The following SHISA6 variants were observed in gnomAD, a reference collection of about 807,000 sequenced individuals.
SHISA6 encodes protein shisa-6.
A neutral mutation model predicts 47.9 loss-of-function variants in SHISA6; 22 were observed. The ratio of observed to expected loss-of-function variants is 0.46; its 90% CI spans 0.33 to 0.66. The LOEUF is 0.66. Among genes scored for constraint, SHISA6 ranks in the 30% least tolerant of loss-of-function variants. The pLI is 0.02. For synonymous variants in SHISA6, 388 were observed against 337.8 expected (o/e 1.15, Z -1.63); for missense variants, 680 against 764.6 (o/e 0.89, Z 1.30).
intron 2 of SHISA6, among the ~76,000 whole-genome samples, chr17:11,302,966 C>G (rs1377743311): frequency 1.3e-5 from 2 of 152,110 alleles, no homozygotes; most frequent in African/African-American, 4.8e-5. Flanking sequence ...TTGTCATTTC[C>G]CATCAAGCTG....
At chr17:11,434,064 C>CTTT (rs1367652038) in intron 3 of SHISA6, among the ~76,000 whole-genome samples, 6 of 138,052 alleles carry the variant, frequency 4.3e-5, no homozygotes, top group African/African-American at 8.1e-5. Context: ...TTTTTTCTCT[C>CTTT]TTTTTTTTTT....
intron 2 of SHISA6, among the ~76,000 whole-genome samples, chr17:11,331,002 G>C (rs1911087250): frequency 6.6e-6 from 1 of 152,198 alleles, no homozygotes; most frequent in South Asian, 2.1e-4. Context: ...AAAGATAACT[G>C]AAGTTAGAAA....
At chr17:11,373,898 G>T (rs532256171) in intron 2 of SHISA6, among the ~76,000 whole-genome samples, 1 of 152,250 alleles carries the variant, frequency 6.6e-6, no homozygotes, top group Admixed American at 6.5e-5. Flanking sequence ...CACGTGTGAG[G>T]ATTTATCTAG....
rs112158389 is a variant in SHISA6 at position 11,278,158 on chromosome 17, C to T, written c.799+14632C>T. On this transcript the variant is annotated intron_variant, in intron 2 of 5. Transcript: ENST00000441885. Reference sequence around the variant, plus strand: ...CCACTGTAAATATGAGCAGTTATGTCGCTAGATGGACTGTGAGTGCTTAGA... The same window carrying T: ...CCACTGTAAATATGAGCAGTTATGTTGCTAGATGGACTGTGAGTGCTTAGA... 1.9e-3 allele frequency among the ~76,000 whole-genome samples: 290 copies of T among 152,238 alleles called. 1 individual carries two copies. The highest frequency in any genetic ancestry group is 3.6e-3 in the Non-Finnish European group (247 of 68,024).
At chr17:11,526,000 C>G (rs1210514759) in intron 3 of SHISA6, among the ~76,000 whole-genome samples, 1 of 136,062 alleles carries the variant, frequency 7.3e-6, no homozygotes, top group Non-Finnish European at 1.6e-5. Context: ...CAAGCGAGAC[C>G]CTATCTTAAA....
At chr17:11,550,951 G>A (rs945932759) in intron 3 of SHISA6, among the ~76,000 whole-genome samples, 8 of 152,186 alleles carry the variant, frequency 5.3e-5, no homozygotes, top group Non-Finnish European at 1.5e-5. Flanking sequence ...GCCAAAGGCA[G>A]GAAAGAAGGC....
intron 2 of SHISA6, among the ~76,000 whole-genome samples, chr17:11,366,702 G>A (rs956252530): frequency 2.0e-5 from 3 of 152,140 alleles, no homozygotes; most frequent in Admixed American, 1.3e-4. Flanking sequence ...CTTGCAAATC[G>A]TCCTGATGGG....
intron 3 of SHISA6, among the ~76,000 whole-genome samples, chr17:11,414,063 T>C (rs1284861323): frequency 6.6e-6 from 1 of 151,480 alleles, no homozygotes; most frequent in Admixed American, 6.6e-5. Flanking sequence ...CCAGTTCCTC[T>C]TCCTCCCCTC....
chr17:11,404,820 A>G (rs886457770), intron 3 of SHISA6, among the ~76,000 whole-genome samples: 11 of 152,170 alleles, frequency 7.2e-5, no homozygotes, highest in African/African-American at 2.7e-4. Flanking sequence ...TTGGGCTCAT[A>G]TATTATCTTC....
At chr17:11,269,943 TA>T (rs1227597005) in intron 2 of SHISA6, among the ~76,000 whole-genome samples, 1 of 152,208 alleles carries the variant, frequency 6.6e-6, no homozygotes, top group Non-Finnish European at 1.5e-5. Context: ...CACTAATTGT[TA>T]AAATTAATTT....
chr17:11,270,936 A>G (rs1260827643), intron 2 of SHISA6, among the ~76,000 whole-genome samples: 1 of 152,130 alleles, frequency 6.6e-6, no homozygotes, highest in African/African-American at 2.4e-5. Flanking sequence ...GCTGTAGCCA[A>G]GGTATTGCTT....
intron 1 of SHISA6, 84 bp from the exon 2 acceptor site, chr17:11,263,281 AG>A (rs1297077377): frequency 3.0e-5 from 40 of 1,354,118 alleles, no homozygotes; most frequent in Non-Finnish European, 4.1e-5. Context: ...TGTAAATCAA[AG>A]GGCATATGAA....
chr17:11,321,173 C>T (rs1239473581), intron 2 of SHISA6, among the ~76,000 whole-genome samples: 1 of 152,162 alleles, frequency 6.6e-6, no homozygotes, highest in Non-Finnish European at 1.5e-5. Flanking sequence ...TACTATAGTG[C>T]CATGCATCAC....
At chr17:11,547,321 A>G (rs762889914) in intron 3 of SHISA6, among the ~76,000 whole-genome samples, 6 of 152,218 alleles carry the variant, frequency 3.9e-5, no homozygotes, top group Non-Finnish European at 8.8e-5. Flanking sequence ...TTAGTCCACA[A>G]AGGAAATCTC....
At chr17:11,367,094 C>T (rs907978602) in intron 2 of SHISA6, among the ~76,000 whole-genome samples, 5 of 152,150 alleles carry the variant, frequency 3.3e-5, no homozygotes, top group Admixed American at 2.6e-4. Context: ...AAGTTACTAT[C>T]AGCAACTCTT....
chr17:11,375,456 A>G (rs1438622396), intron 2 of SHISA6, among the ~76,000 whole-genome samples: 3 of 152,142 alleles, frequency 2.0e-5, no homozygotes, highest in African/African-American at 7.2e-5. Flanking sequence ...TGTCCTGATC[A>G]GTTTGTTTCC....
chr17:11,499,063 A>C (rs2071429705), intron 3 of SHISA6, among the ~76,000 whole-genome samples: 1 of 152,152 alleles, frequency 6.6e-6, no homozygotes, highest in Non-Finnish European at 1.5e-5. Context: ...GCTGGGCTGC[A>C]CCCTCAGCAC....
intron 2 of SHISA6, among the ~76,000 whole-genome samples, chr17:11,368,950 C>T (rs1219092549): frequency 1.3e-5 from 2 of 152,172 alleles, no homozygotes; most frequent in African/African-American, 4.8e-5. Context: ...CCACCGAACC[C>T]GGCCGAATTA....
chr17:11,437,090 C>G (rs1914962098), intron 3 of SHISA6, among the ~76,000 whole-genome samples: 1 of 152,098 alleles, frequency 6.6e-6, no homozygotes, highest in South Asian at 2.1e-4. Context: ...CAGGGAGATG[C>G]AAGAGTGAGA....
Sources: gnomAD v4.1 joint callset for allele counts (sites outside exome capture counted in the v4.1 genomes callset) on GRCh38, gnomAD v4.1.1 for gene constraint, MANE v1.5 for transcripts, NCBI Gene and HGNC (gene_info 2026-07-23, HGNC 2026-07-21) for gene names.